The following CSPP1 variants were observed in gnomAD, a reference collection of about 807,000 sequenced individuals.
CSPP1 encodes centrosome and spindle pole associated protein 1.
Under a neutral mutation model 164.4 loss-of-function variants are expected in CSPP1, and 126 were observed. That is an observed-to-expected ratio of 0.77 (90% CI 0.66 to 0.89). The LOEUF is 0.89. Ranked by LOEUF, CSPP1 falls within the 40% of genes least tolerant of loss-of-function variation. CSPP1 has a pLI of 0.00. For missense variants in CSPP1, 1,395 were observed against 1,449.8 expected, an observed-to-expected ratio of 0.96 and a Z score of 0.61; for synonymous variants, 472 against 476.7, an observed-to-expected ratio of 0.99 and a Z score of 0.13.
intron 3 of CSPP1, among the ~76,000 whole-genome samples, chr8:67,085,333 A>C (rs1185908261): frequency 3.3e-5 from 5 of 151,948 alleles, no homozygotes; most frequent in African/African-American, 1.2e-4. Context: ...GTTTTTAGGA[A>C]TTTCATCCTA....
chr8:67,167,878 C>A (rs1406617361), intron 24 of CSPP1, among the ~76,000 whole-genome samples: 3 of 152,178 alleles, frequency 2.0e-5, no homozygotes, highest in Non-Finnish European at 4.4e-5. Context: ...AGATGCTCCT[C>A]ACTTCCCAGA....
intron 24 of CSPP1, among the ~76,000 whole-genome samples, chr8:67,169,834 C>T (rs763240192): frequency 6.6e-6 from 1 of 152,042 alleles, no homozygotes; most frequent in Non-Finnish European, 1.5e-5. Flanking sequence ...CAGCAACCTC[C>T]GCCTCCTGAT....
intron 27 of CSPP1, 24 bp downstream of exon 27, chr8:67,177,750 CAAGT>C (rs2129569688): frequency 6.3e-7 from 1 of 1,583,636 alleles, no homozygotes; most frequent in East Asian, 2.2e-5. Flanking sequence ...TACAATTTTT[CAAGT>C]TAGTTTTTGG....
At chr8:67,151,753 T>C (rs1048411446) in intron 18 of CSPP1, among the ~76,000 whole-genome samples, 12 of 152,174 alleles carry the variant, frequency 7.9e-5, no homozygotes, top group Non-Finnish European at 1.3e-4. Context: ...ACTTCCTTTT[T>C]TTTGTGAATT....
chr8:67,181,030 GT>G (rs376605644), intron 28 of CSPP1, among the ~76,000 whole-genome samples: 5 of 147,578 alleles, frequency 3.4e-5, no homozygotes, highest in Non-Finnish European at 3.0e-5. Flanking sequence ...TCTCTTAATG[GT>G]TTTTTTTTTG....
At chr8:67,141,562 C>T (rs767170167) in intron 17 of CSPP1, among the ~76,000 whole-genome samples, 1 of 152,166 alleles carries the variant, frequency 6.6e-6, no homozygotes, top group Non-Finnish European at 1.5e-5. Flanking sequence ...CGCTCTTTTG[C>T]CCAGGCCGGA....
chr8:67,150,853 A>G (rs1166951001), intron 18 of CSPP1, among the ~76,000 whole-genome samples: 1 of 152,256 alleles, frequency 6.6e-6, no homozygotes, highest in Non-Finnish European at 1.5e-5. Context: ...AATTTAATAC[A>G]GCACCTCACA....
intron 1 of CSPP1, among the ~76,000 whole-genome samples, chr8:67,068,727 C>G (rs1323682740): frequency 6.6e-6 from 1 of 152,214 alleles, no homozygotes; most frequent in Non-Finnish European, 1.5e-5. Flanking sequence ...GCCTGGCATT[C>G]ACAGTAACTT....
intron 24 of CSPP1, among the ~76,000 whole-genome samples, chr8:67,171,224 C>A (rs1383449357): frequency 6.6e-6 from 1 of 151,198 alleles, no homozygotes; most frequent in Non-Finnish European, 1.5e-5. Flanking sequence ...CATGGTGAAA[C>A]CCCATCTTTA....
chr8:67,152,733 C>T (rs1399280215), intron 18 of CSPP1, among the ~76,000 whole-genome samples: 2 of 152,124 alleles, frequency 1.3e-5, no homozygotes, highest in Non-Finnish European at 2.9e-5. Flanking sequence ...AGTTTGTTTT[C>T]AGTGGGAAAA....
chr8:67,108,599 C>T (rs1816146769), intron 9 of CSPP1, among the ~76,000 whole-genome samples: 1 of 152,132 alleles, frequency 6.6e-6, no homozygotes, highest in Admixed American at 6.6e-5. Context: ...TCAGCAAGAC[C>T]TTCATGTCCT....
At chr8:67,083,548 A>AAAAAAAAAAAAAATATATATATAT (rs1332248754) in intron 3 of CSPP1, 1 of 91,484 alleles carries the variant, frequency 1.1e-5, no homozygotes, top group African/African-American at 4.4e-5. Context: ...AAAAAAAAAA[A>AAAAAAAAAAAAAATATATATATAT]ATATATATAT....
chr8:67,177,609 T>C (rs1832002426), intron 26 of CSPP1, 71 bp from the exon 27 acceptor site: 6 of 945,316 alleles, frequency 6.3e-6, no homozygotes, highest in African/African-American at 5.0e-5. Context: ...AAAAAAGATA[T>C]TCTAAAATTT....
chr8:67,154,151 G>A lies in CSPP1; in HGVS notation c.2241+15G>A, dbSNP rs1000508606. ...TTCGTTTCCAGGTGAAATGCTATTT[G>A]ATCAGTTTCAAAGTTTCATGAGATT... is the stretch of plus-strand genomic sequence containing the variant. On this transcript the variant is annotated intron_variant, in intron 19 of 30. Transcript: ENST00000678616. 2 of 1,195,782 alleles carry A rather than the reference G, an allele frequency of 1.7e-6. No individual in the cohort carries two copies. Among genetic ancestry groups the A allele is most frequent in the Admixed American group, 1.8e-5 (1 of 57,038 alleles). The allele number at this position is 1,195,782 out of a possible 1,614,324, so 74.1% of individuals were successfully genotyped here. A position where few individuals can be genotyped will look rare whatever the true frequency, so the allele number is the denominator to read the frequency against.
In CSPP1 at chr8:67,159,850, CTTTTTCTTTCTTTCTTTCTT is replaced by C. The variant is rs1342011039; in HGVS notation, c.2538+715_2538+734del. Among the ~76,000 whole-genome samples, 16 of 91,638 alleles carry C rather than the reference CTTTTTCTTTCTTTCTTTCTT, an allele frequency of 1.7e-4. 2 individuals are homozygous for C. The highest frequency in any genetic ancestry group is 5.4e-4 in the East Asian group (2 of 3,712). 60.1% of individuals were successfully genotyped at this position (91,638 alleles called of 152,430 possible). A position where few individuals can be genotyped will look rare whatever the true frequency, so the allele number is the denominator to read the frequency against. On this transcript the variant is annotated intron_variant, in intron 21 of 30. Transcript: ENST00000678616. ...TCTCTCTTTCTTTCTTTCTTTCTTT[CTTTTTCTTTCTTTCTTTCTT>C]TCTTTCTTTCTTTCTTTCTTTCTTT...
rs184218591 is a variant in CSPP1, at chr8:67,183,914, G to A, written c.3220+3988G>A. ...TGTCCCCAGGCTGGAGCGTGATGGC[G>A]TGATCTTGGCTCACTGCAACCTCCG... is the stretch of plus-strand genomic sequence containing the variant. On this transcript the variant is annotated intron_variant, in intron 28 of 30. Coordinates refer to ENST00000678616, the MANE Select transcript of CSPP1 (RefSeq NM_001382391.1). 4.1e-3 allele frequency among the ~76,000 whole-genome samples: 590 copies of A among 143,572 alleles called. 7 individuals are homozygous for A. The highest frequency in any genetic ancestry group is 0.039 in the South Asian group (179 of 4,600). 94.2% of individuals were successfully genotyped at this position (143,572 alleles called of 152,430 possible).
At chr8:67,081,294 C>T (rs796182642) in intron 3 of CSPP1, among the ~76,000 whole-genome samples, 16 of 152,138 alleles carry the variant, frequency 1.1e-4, no homozygotes, top group African/African-American at 3.6e-4. Flanking sequence ...TAAAGACATT[C>T]CCATTGTCTG....
rs1810338643 is a variant in CSPP1 at position 67,086,101 on chromosome 8, T to A, written c.294T>A (p.Tyr98Ter). Residue 98 changes from tyrosine to a stop codon, truncating the protein, a stop_gained, in exon 4 of 31, where the codon TAT (tyrosine) becomes TAA (stop). Coordinates refer to ENST00000678616, the MANE Select transcript of CSPP1 (RefSeq NM_001382391.1). LOFTEE classifies it high-confidence loss of function. ...KEELRQDYRRYLTQKNFLSTS... is the reference protein window; with the variant it reads ...KEELRQDYRR Reference sequence around the variant, plus strand: ...AATTGCGGCAAGATTACAGACGTTATCTTACTCAGGTAATGAGTTCTATTA... The same window carrying A: ...AATTGCGGCAAGATTACAGACGTTAACTTACTCAGGTAATGAGTTCTATTA... 1.5e-6 allele frequency: 2 copies of A among 1,365,454 alleles called. No individual in the cohort carries two copies. Among genetic ancestry groups the A allele is most frequent in the East Asian group, 4.6e-5 (2 of 43,622 alleles). 84.6% of individuals were successfully genotyped at this position (1,365,454 alleles called of 1,614,324 possible). A position where few individuals can be genotyped will look rare whatever the true frequency, so the allele number is the denominator to read the frequency against.
chr8:67,091,544 A>T (rs992651931), intron 4 of CSPP1, among the ~76,000 whole-genome samples: 11 of 152,348 alleles, frequency 7.2e-5, no homozygotes, highest in Middle Eastern at 6.8e-3. Flanking sequence ...TCTTGAATCA[A>T]TAGACGTATA....
Sources: gnomAD v4.1 joint callset for allele counts (sites outside exome capture counted in the v4.1 genomes callset) on GRCh38, gnomAD v4.1.1 for gene constraint, MANE v1.5 for transcripts, NCBI Gene and HGNC (gene_info 2026-07-23, HGNC 2026-07-21) for gene names.